AKAP12: variants seen among roughly 807,000 people sequenced by gnomAD.
The protein encoded by AKAP12 is A-kinase anchor protein 12.
A neutral mutation model predicts 79.9 loss-of-function variants in AKAP12; 32 were observed. That is an observed-to-expected ratio of 0.40 (90% confidence interval 0.30 to 0.54). AKAP12 has a LOEUF of 0.54. Among genes scored for constraint, AKAP12 ranks in the 20% least tolerant of loss-of-function variants. The pLI is 0.48. For synonymous variants in AKAP12, 808 were observed against 857.0 expected, an observed-to-expected ratio of 0.94 and a Z score of 1.00; for missense variants, 2,074 against 2,177.0, an observed-to-expected ratio of 0.95 and a Z score of 0.94.
At chr6:151,319,348 C>A (rs1186999620) in intron 3 of AKAP12, among the ~76,000 whole-genome samples, 1 of 151,514 alleles carries the variant, frequency 6.6e-6, no homozygotes, top group East Asian at 2.0e-4. Context: ...CTGTAGATAA[C>A]CTGACAGTGT....
At chr6:151,267,332 T>G (rs1191845495) in intron 2 of AKAP12, among the ~76,000 whole-genome samples, 1 of 152,242 alleles carries the variant, frequency 6.6e-6, no homozygotes, top group African/African-American at 2.4e-5. Context: ...AACACCATAC[T>G]GTTGTTTGCA....
intron 2 of AKAP12, among the ~76,000 whole-genome samples, chr6:151,279,155 C>G (rs923202007): frequency 2.6e-5 from 4 of 152,122 alleles, no homozygotes; most frequent in African/African-American, 4.8e-5. Context: ...CTGGAGGGCT[C>G]ACACCCAGAA....
In AKAP12 at chr6:151,356,776, A is replaced by G. The variant is rs1225396896; in HGVS notation, c.*1062A>G. On this transcript the variant is annotated 3_prime_UTR_variant, in exon 5 of 5. Coordinates refer to ENST00000402676, the MANE Select transcript of AKAP12 (RefSeq NM_005100.4). The stretch of plus-strand genomic sequence containing the variant: ...TAAATAAAATATTTGCTTCACTTAG[A>G]TTTGCTGGTTTTATTAGATACCAGG... 6.6e-6 allele frequency: 1 copy of G among 152,168 alleles called. No homozygotes were observed. Among genetic ancestry groups the G allele is most frequent in the African/African-American group, 2.4e-5 (1 of 41,426 alleles). 9.4% of individuals were successfully genotyped at this position (152,168 alleles called of 1,614,324 possible).
intron 3 of AKAP12, chr6:151,341,619 C>T: frequency 1.1e-6 from 1 of 928,328 alleles, no homozygotes; most frequent in Non-Finnish European, 1.3e-6. Flanking sequence ...CTGGGCCTCA[C>T]GGGCGGCTGT....
At chr6:151,262,202 G>A (rs994648018) in intron 2 of AKAP12, among the ~76,000 whole-genome samples, 1 of 152,084 alleles carries the variant, frequency 6.6e-6, no homozygotes. Flanking sequence ...TGATCCACCC[G>A]CCTCGGCCTC....
chr6:151,265,752 A>G (rs1797540004), intron 2 of AKAP12, among the ~76,000 whole-genome samples: 1 of 152,210 alleles, frequency 6.6e-6, no homozygotes, highest in Non-Finnish European at 1.5e-5. Flanking sequence ...TCCATCCCTC[A>G]TCAGTCTGTC....
intron 2 of AKAP12, among the ~76,000 whole-genome samples, chr6:151,266,343 AT>A (rs1776016036): frequency 6.6e-6 from 1 of 152,054 alleles, no homozygotes; most frequent in Non-Finnish European, 1.5e-5. Flanking sequence ...CTATTTAAAT[AT>A]TTTTCAAACT....
chr6:151,357,707 T>TA lies in AKAP12; in HGVS notation c.*1995dup, dbSNP rs531624760. ...TCAAAAAACCTCTGATATATATATA[T>TA]AATTTTTTTTTTTTTTTTTTTTTGG... is the stretch of plus-strand genomic sequence containing the variant. On this transcript the variant is annotated 3_prime_UTR_variant, in exon 5 of 5. Coordinates refer to ENST00000402676, the MANE Select transcript of AKAP12 (RefSeq NM_005100.4). 0.027 allele frequency: 3,423 copies of TA among 127,448 alleles called. 146 individuals are homozygous for TA. The highest frequency in any genetic ancestry group is 0.096 in the African/African-American group (3,174 of 32,978). 7.9% of individuals were successfully genotyped at this position (127,448 alleles called of 1,614,324 possible). A position where few individuals can be genotyped will look rare whatever the true frequency, so the allele number is the denominator to read the frequency against.
chr6:151,346,685 C>T (rs9478196), intron 3 of AKAP12, among the ~76,000 whole-genome samples: 24,943 of 152,094 alleles, frequency 0.16, 3,246 homozygotes, highest in African/African-American at 0.37. Context: ...TTGCCAAGGT[C>T]ATTTTTTTGA....
At chr6:151,245,218 C>G (rs1005404270) in intron 2 of AKAP12, among the ~76,000 whole-genome samples, 6 of 151,816 alleles carry the variant, frequency 4.0e-5, no homozygotes. Flanking sequence ...TCCCCCATCT[C>G]TATAATTCTA....
intron 2 of AKAP12, among the ~76,000 whole-genome samples, chr6:151,277,060 T>C (rs1482254886): frequency 7.2e-5 from 11 of 152,220 alleles, no homozygotes; most frequent in African/African-American, 2.4e-4. Flanking sequence ...TACAACAACC[T>C]GTGCAATCTT....
chr6:151,333,938 A>G (rs1030633130), intron 3 of AKAP12, among the ~76,000 whole-genome samples: 2 of 151,714 alleles, frequency 1.3e-5, no homozygotes, highest in African/African-American at 4.8e-5. Flanking sequence ...GCACAGGAAG[A>G]AGGGTCCTGG....
At chr6:151,306,077 A>G (rs1427746686) in intron 3 of AKAP12, among the ~76,000 whole-genome samples, 174 bp downstream of exon 3, 2 of 152,202 alleles carry the variant, frequency 1.3e-5, no homozygotes, top group Admixed American at 1.3e-4. Flanking sequence ...CTATACTTAG[A>G]CCTTGAAGTT....
chr6:151,345,943 G>A (rs1778090620), intron 3 of AKAP12, among the ~76,000 whole-genome samples: 1 of 141,614 alleles, frequency 7.1e-6, no homozygotes, highest in Non-Finnish European at 1.5e-5. Flanking sequence ...GAGAGAGAGA[G>A]AGAGAGAGAG....
At chr6:151,317,658 T>A (rs1777266436) in intron 3 of AKAP12, among the ~76,000 whole-genome samples, 1 of 152,174 alleles carries the variant, frequency 6.6e-6, no homozygotes, top group Non-Finnish European at 1.5e-5. Context: ...AGGACATGAG[T>A]CATTGATACT....
chr6:151,270,561 A>C (rs1409967313), intron 2 of AKAP12, among the ~76,000 whole-genome samples: 1 of 152,206 alleles, frequency 6.6e-6, no homozygotes, highest in African/African-American at 2.4e-5. Flanking sequence ...TAGAAATGAA[A>C]TTGCTGTATG....
In AKAP12 at chr6:151,332,033, G is replaced by GTTGTTTTTGTTTTTTTTTTTTTTT. The variant is rs1303327962; in HGVS notation, c.320-16676_320-16675insGTTTTTGTTTTTTTTTTTTTTTTT. 6.3e-5 allele frequency among the ~76,000 whole-genome samples: 5 copies of GTTGTTTTTGTTTTTTTTTTTTTTT among 79,680 alleles called. 1 individual carries two copies. The highest frequency in any genetic ancestry group is 2.2e-4 in the African/African-American group (4 of 18,436). The allele number at this position is 79,680 out of a possible 152,430, so 52.3% of individuals were successfully genotyped here. On this transcript the variant is annotated intron_variant, in intron 3 of 4. Transcript: ENST00000402676. ...GAGTAGCACGTCCAGTTCTGGGTCT[G>GTTGTTTTTGTTTTTTTTTTTTTTT]TTTTTTTTTTTTTTTTTTTTTGAGA...
Position 151,337,030 on chromosome 6 carries a change from G to A in AKAP12, c.320-11681G>A, listed in dbSNP as rs557379310. 2.0e-3 allele frequency among the ~76,000 whole-genome samples: 304 copies of A among 151,998 alleles called. 2 individuals are homozygous for A. The highest frequency in any genetic ancestry group is 3.7e-3 in the South Asian group (18 of 4,822). On this transcript the variant is annotated intron_variant, in intron 3 of 4. Transcript: ENST00000402676. ...CTCTTTGGTGGGGGAAAGTTAAGTC[G>A]TTTTCTTGTTGTTTAATACGTAGAT... is the stretch of plus-strand genomic sequence containing the variant.
At chr6:151,248,975 A>G (rs1797126576) in intron 2 of AKAP12, among the ~76,000 whole-genome samples, 1 of 151,998 alleles carries the variant, frequency 6.6e-6, no homozygotes, top group South Asian at 2.1e-4. Flanking sequence ...CGACAGAGCA[A>G]GACTCTGTCT....
Sources: allele counts gnomAD v4.1 joint callset (sites outside exome capture counted in the v4.1 genomes callset), GRCh38; gene constraint gnomAD v4.1.1; transcripts MANE v1.5; gene names NCBI Gene and HGNC (gene_info 2026-07-23, HGNC 2026-07-21).